NME9: variants seen among roughly 807,000 people sequenced by gnomAD.
The protein encoded by NME9 is thioredoxin domain-containing protein 6.
Under a neutral mutation model 44.4 loss-of-function variants are expected in NME9, and 48 were observed. That is an observed-to-expected ratio of 1.08 (90% confidence interval 0.86 to 1.37). The LOEUF is 1.37. Ranked by LOEUF, NME9 falls within the 40% of genes most tolerant of loss-of-function variation. The pLI is 0.00. For synonymous variants in NME9, 139 were observed against 147.1 expected, an observed-to-expected ratio of 0.94 and a Z score of 0.40; for missense variants, 325 against 405.2, an observed-to-expected ratio of 0.80 and a Z score of 1.70.
intron 8 of NME9, chr3:138,272,871 CAAAAAAA>C: frequency 8.6e-7 from 1 of 1,169,102 alleles, no homozygotes; most frequent in African/African-American, 1.6e-5. Context: ...GACTCTGTCT[CAAAAAAA>C]TAAAAAAAAA....
intron 8 of NME9, among the ~76,000 whole-genome samples, chr3:138,269,737 A>G (rs1349762681): frequency 6.6e-6 from 1 of 152,110 alleles, no homozygotes; most frequent in Non-Finnish European, 1.5e-5. Context: ...TGTGAAATGT[A>G]CAGATAACTA....
chr3:138,325,950 T>A (rs1210939507), intron 1 of NME9, among the ~76,000 whole-genome samples: 1 of 152,072 alleles, frequency 6.6e-6, no homozygotes, highest in Non-Finnish European at 1.5e-5. Context: ...TTAGATAGAG[T>A]GCAAGTTTTC....
chr3:138,315,079 G>A (rs1290175198), intron 5 of NME9, among the ~76,000 whole-genome samples: 1 of 152,204 alleles, frequency 6.6e-6, no homozygotes, highest in Non-Finnish European at 1.5e-5. Flanking sequence ...TATTTCTCAT[G>A]ATAATGACAG....
chr3:138,284,853 G>A (rs567616890), intron 8 of NME9, among the ~76,000 whole-genome samples: 1 of 152,284 alleles, frequency 6.6e-6, no homozygotes, highest in Admixed American at 6.5e-5. Context: ...CAAGGCTTCA[G>A]TCCCATGGTG....
chr3:138,288,201 T>TG lies in NME9; in HGVS notation c.745+15305dup, dbSNP rs2050603355. Among the ~76,000 whole-genome samples the TG allele has an allele frequency of 2.0e-5, 3 of 152,316 alleles. No individual in the cohort carries two copies. In the South Asian group the frequency reaches 6.2e-4, roughly 32 times the overall value. Reference sequence around the variant, plus strand: ...AAGCCATTTATAGATTGTGTGTGTGTGAAAGTCTAGGTGTTACAGAACTTC... The same window carrying TG: ...AAGCCATTTATAGATTGTGTGTGTGTGGAAAGTCTAGGTGTTACAGAACTTC... On this transcript the variant is annotated intron_variant, in intron 8 of 8. Transcript: ENST00000317876.
In NME9 at chr3:138,329,311, C is replaced by T. The variant is rs778133137; in HGVS notation, c.25G>A (p.Ala9Thr). 66 of 1,535,968 alleles carry T rather than the reference C, an allele frequency of 4.3e-5. No individual in the cohort carries two copies. The highest frequency in any genetic ancestry group is 5.4e-5 in the Non-Finnish European group (62 of 1,146,896). Residue 9 changes from alanine (A) to threonine (T), a missense_variant, in exon 1 of 11, where the codon GCC (alanine) becomes ACC (threonine). Ala to Thr is a moderately conservative substitution (Grantham distance 58). Coordinates refer to ENST00000333911, the MANE Select transcript of NME9 (RefSeq NM_001349018.2). Reference sequence around the variant, plus strand: ...CGCCCCTTGAGGCTTACCTGCAGGGCAATTTCCTTCTTCCTGCTGCCCATG... The same window carrying T: ...CGCCCCTTGAGGCTTACCTGCAGGGTAATTTCCTTCTTCCTGCTGCCCATG... MGSRKKEIALQVNISTQEL... is the reference protein window; with the variant it reads MGSRKKEITLQVNISTQEL...
intron 6 of NME9, among the ~76,000 whole-genome samples, chr3:138,309,297 TC>T (rs2052521910): frequency 1.4e-5 from 1 of 70,278 alleles, no homozygotes; most frequent in Non-Finnish European, 2.8e-5. Flanking sequence ...AGACTTCATC[TC>T]AAACAAAAAA....
At chr3:138,317,305 G>C (rs1475087189) in intron 4 of NME9, among the ~76,000 whole-genome samples, 5 of 152,240 alleles carry the variant, frequency 3.3e-5, no homozygotes, top group African/African-American at 4.8e-5. Flanking sequence ...GCAGTGCTGA[G>C]GCCAGGAGGC....
intron 8 of NME9, chr3:138,272,879 T>TA (rs1394576770): frequency 2.4e-4 from 288 of 1,193,126 alleles, no homozygotes; most frequent in Admixed American, 4.4e-4. Context: ...CTCAAAAAAA[T>TA]AAAAAAAAAT....
At chr3:138,276,789 C>T (rs537490924) in intron 8 of NME9, among the ~76,000 whole-genome samples, 5 of 151,970 alleles carry the variant, frequency 3.3e-5, no homozygotes, top group Non-Finnish European at 7.4e-5. Context: ...AGAGATATAC[C>T]ATGCTAAAAT....
downstream of NME9, among the ~76,000 whole-genome samples, chr3:138,299,691 C>T (rs1229980113): frequency 6.6e-6 from 1 of 152,168 alleles, no homozygotes; most frequent in Non-Finnish European, 1.5e-5. Context: ...CACTCCTGCC[C>T]CATCACCTAG....
At chr3:138,276,476 C>G (rs905629639) in intron 8 of NME9, among the ~76,000 whole-genome samples, 1 of 151,682 alleles carries the variant, frequency 6.6e-6, no homozygotes, top group Non-Finnish European at 1.5e-5. Flanking sequence ...CACAAGAAGG[C>G]AAGAAAAAGA....
chr3:138,284,638 G>C, intron 8 of NME9: 3 of 768,966 alleles, frequency 3.9e-6, no homozygotes, highest in South Asian at 3.7e-5. Context: ...AGATTACTCT[G>C]TGACTCCTCA....
chr3:138,329,818 G>A lies in NME9; in HGVS notation c.-483C>T, dbSNP rs1577233741. The stretch of plus-strand genomic sequence containing the variant: ...TTCGACGCGCCCGGAGTCACCAACC[G>A]AGTCTGCCGCGACCTAGCCGCGGTC... On this transcript the variant is annotated 5_prime_UTR_variant, in exon 1 of 11. Coordinates refer to ENST00000333911, the MANE Select transcript of NME9 (RefSeq NM_001349018.2). The A allele has an allele frequency of 3.0e-6, 3 of 986,374 alleles. No individual in the cohort carries two copies. The highest frequency in any genetic ancestry group is 3.5e-5 in the African/African-American group (2 of 57,294). 61.1% of individuals were successfully genotyped at this position (986,374 alleles called of 1,614,324 possible).
At chr3:138,287,851 A>G (rs912903996) in intron 8 of NME9, 1 of 296,952 alleles carries the variant, frequency 3.4e-6, no homozygotes. Context: ...TTATTTGAAC[A>G]TACTAGAAAT....
intron 8 of NME9, among the ~76,000 whole-genome samples, chr3:138,281,878 A>G (rs2049967844): frequency 6.6e-6 from 1 of 152,146 alleles, no homozygotes; most frequent in Admixed American, 6.5e-5. Flanking sequence ...TCTTCCCCCC[A>G]TGAATACCTT....
chr3:138,290,150 A>G, intron 8 of NME9, among the ~76,000 whole-genome samples: 1 of 152,336 alleles, frequency 6.6e-6, no homozygotes, highest in South Asian at 2.1e-4. Flanking sequence ...AAAGGGGAAG[A>G]TAAGACCTGC....
chr3:138,288,997 A>G (rs2050696237), intron 8 of NME9: 8 of 1,513,648 alleles, frequency 5.3e-6, no homozygotes, highest in Non-Finnish European at 5.4e-6. Context: ...AAAAAAATCT[A>G]AAATGAGATT....
intron 8 of NME9, among the ~76,000 whole-genome samples, chr3:138,282,218 G>A (rs909194765): frequency 6.6e-6 from 1 of 152,192 alleles, no homozygotes; most frequent in Non-Finnish European, 1.5e-5. Flanking sequence ...AGGTGGGGTT[G>A]TTGTAAAGCT....
Sources: allele counts gnomAD v4.1 joint callset (sites outside exome capture counted in the v4.1 genomes callset), GRCh38; gene constraint gnomAD v4.1.1; transcripts MANE v1.5; gene names NCBI Gene and HGNC (gene_info 2026-07-23, HGNC 2026-07-21).